Variants in SLC44A5 observed in about 807,000 individuals in gnomAD.
The protein encoded by SLC44A5 is solute carrier family 44 member 5.
A neutral mutation model predicts 101.8 loss-of-function variants in SLC44A5; 57 were observed. That is an observed-to-expected ratio of 0.56 (90% CI 0.45 to 0.70). SLC44A5 has a LOEUF of 0.70. Ranked by LOEUF, SLC44A5 falls within the 30% of genes least tolerant of loss-of-function variation. SLC44A5 has a pLI of 0.00. For missense variants in SLC44A5, 737 were observed against 853.1 expected, an observed-to-expected ratio of 0.86 and a Z score of 1.70; for synonymous variants, 281 against 290.9, an observed-to-expected ratio of 0.97 and a Z score of 0.35.
intron 2 of SLC44A5, among the ~76,000 whole-genome samples, chr1:75,405,956 G>T (rs1024530029): frequency 6.7e-6 from 1 of 148,926 alleles, no homozygotes; most frequent in Non-Finnish European, 1.5e-5. Flanking sequence ...AAAATAGATA[G>T]ACCGCTAGCA....
intron 1 of SLC44A5, among the ~76,000 whole-genome samples, chr1:75,605,949 T>A (rs1675299850): frequency 6.6e-6 from 1 of 151,966 alleles, no homozygotes; most frequent in Admixed American, 6.6e-5. Context: ...TCTTTTGTTG[T>A]GAGGAGGTAC....
At chr1:75,305,603 C>T (rs935270897) in intron 4 of SLC44A5, among the ~76,000 whole-genome samples, 1 of 152,220 alleles carries the variant, frequency 6.6e-6, no homozygotes, top group African/African-American at 2.4e-5. Flanking sequence ...GACTTTTTCA[C>T]ACAATGATAC....
intron 2 of SLC44A5, among the ~76,000 whole-genome samples, chr1:75,450,733 T>C (rs1372558091): frequency 1.3e-5 from 2 of 152,172 alleles, no homozygotes; most frequent in Non-Finnish European, 2.9e-5. Flanking sequence ...CTCCACCCCA[T>C]GCCCAGGCAG....
intron 2 of SLC44A5, among the ~76,000 whole-genome samples, chr1:75,445,333 G>A (rs533292960): frequency 6.6e-6 from 1 of 152,040 alleles, no homozygotes; most frequent in Non-Finnish European, 1.5e-5. Context: ...GCATCCTTAG[G>A]CCTCACCAGA....
chr1:75,663,361 A>G, the SLC44A5 span, among the ~76,000 whole-genome samples: 1 of 152,154 alleles, frequency 6.6e-6, no homozygotes, highest in African/African-American at 2.4e-5. Context: ...TGAAACACAT[A>G]CAGGACCCCT....
At position 75,424,528 on chromosome 1, in the gene SLC44A5, C is replaced by T. The variant is rs143742397; in HGVS notation, c.14-27907G>A. Among the ~76,000 whole-genome samples the T allele has an allele frequency of 2.5e-3, 376 of 152,306 alleles. 3 individuals carry two copies. The highest frequency in any genetic ancestry group is 8.7e-3 in the African/African-American group (362 of 41,566). On this transcript the variant is annotated intron_variant, in intron 2 of 23. Coordinates refer to ENST00000370859, the MANE Select transcript of SLC44A5 (RefSeq NM_001130058.2). Reference sequence around the variant, plus strand: ...CCACGTTGACCAGGCTGGTCTTGAACTCCTGACCTCAAGTGATCTGCCCGC... The same window carrying T: ...CCACGTTGACCAGGCTGGTCTTGAATTCCTGACCTCAAGTGATCTGCCCGC...
chr1:75,295,784 G>C (rs1653916110), intron 5 of SLC44A5, among the ~76,000 whole-genome samples: 1 of 152,136 alleles, frequency 6.6e-6, no homozygotes, highest in South Asian at 2.1e-4. Flanking sequence ...CAGATCTCCA[G>C]AACAATACAA....
chr1:75,472,291 A>C (rs529450319), intron 2 of SLC44A5, among the ~76,000 whole-genome samples: 2 of 152,268 alleles, frequency 1.3e-5, no homozygotes, highest in South Asian at 2.1e-4. Flanking sequence ...ATGAGTATCA[A>C]CTTAATTCTT....
intron 6 of SLC44A5, among the ~76,000 whole-genome samples, chr1:75,256,476 A>T (rs1650030069): frequency 1.3e-5 from 2 of 152,192 alleles, no homozygotes; most frequent in African/African-American, 2.4e-5. Context: ...TTTGGCTTTG[A>T]TATCAAGGAC....
At chr1:75,231,406 T>C (rs1235242059) in intron 12 of SLC44A5, among the ~76,000 whole-genome samples, 1 of 152,216 alleles carries the variant, frequency 6.6e-6, no homozygotes, top group Admixed American at 6.5e-5. Context: ...AATGTCACGA[T>C]TTCATAGCAA....
At chr1:75,583,849 C>T (rs1474489142) in intron 1 of SLC44A5, among the ~76,000 whole-genome samples, 2 of 152,130 alleles carry the variant, frequency 1.3e-5, no homozygotes, top group Non-Finnish European at 2.9e-5. Context: ...AAGCATCTGC[C>T]TCCCTTCCCT....
chr1:75,486,414 T>G (rs753746046), intron 2 of SLC44A5, among the ~76,000 whole-genome samples: 1 of 152,244 alleles, frequency 6.6e-6, no homozygotes, highest in Non-Finnish European at 1.5e-5. Context: ...AAATAGATCT[T>G]AAGCTGAATT....
intron 4 of SLC44A5, among the ~76,000 whole-genome samples, chr1:75,328,601 C>T: frequency 6.6e-6 from 1 of 152,278 alleles, no homozygotes; most frequent in Middle Eastern, 3.4e-3. Flanking sequence ...CTTCTAAGAG[C>T]TTCTGGTGCT....
At chr1:75,714,206 G>A in the SLC44A5 span, among the ~76,000 whole-genome samples, 1 of 152,078 alleles carries the variant, frequency 6.6e-6, no homozygotes, top group Non-Finnish European at 1.5e-5. Context: ...CTTTATCCCT[G>A]GGATAAAAGG....
At chr1:75,432,007 A>C (rs537018582) in intron 2 of SLC44A5, among the ~76,000 whole-genome samples, 1 of 152,224 alleles carries the variant, frequency 6.6e-6, no homozygotes, top group South Asian at 2.1e-4. Flanking sequence ...TCCACTTAGA[A>C]TATGTGAATG....
chr1:75,658,217 G>A, the SLC44A5 span, among the ~76,000 whole-genome samples: 14,132 of 152,026 alleles, frequency 0.093, 2,198 homozygotes, highest in African/African-American at 0.32. Context: ...GGGACTACAA[G>A]CACATGCCAC....
chr1:75,220,796 G>C (rs1443087119), intron 14 of SLC44A5, among the ~76,000 whole-genome samples: 2 of 152,072 alleles, frequency 1.3e-5, no homozygotes, highest in Non-Finnish European at 2.9e-5. Flanking sequence ...TTGATGCTTA[G>C]ATTTTTTTGT....
intron 2 of SLC44A5, among the ~76,000 whole-genome samples, chr1:75,496,826 TA>T (rs920984546): frequency 1.3e-5 from 2 of 151,902 alleles, no homozygotes; most frequent in African/African-American, 4.8e-5. Flanking sequence ...GCAAAGGACT[TA>T]AATAAAAATT....
At chr1:75,487,517 G>A (rs910570760) in intron 2 of SLC44A5, among the ~76,000 whole-genome samples, 6 of 152,046 alleles carry the variant, frequency 3.9e-5, no homozygotes, top group Non-Finnish European at 8.8e-5. Context: ...TTAATTGTTC[G>A]GGGTCTAAAG....
Sources: allele counts gnomAD v4.1 joint callset (sites outside exome capture counted in the v4.1 genomes callset), GRCh38; gene constraint gnomAD v4.1.1; transcripts MANE v1.5; gene names NCBI Gene and HGNC (gene_info 2026-07-23, HGNC 2026-07-21).